DDC: variants seen among roughly 807,000 people sequenced by gnomAD.
DDC encodes the protein aromatic-L-amino-acid decarboxylase.
A neutral mutation model predicts 60.0 loss-of-function variants in DDC; 43 were observed. That is an observed-to-expected ratio of 0.72 (90% CI 0.56 to 0.92). The LOEUF is 0.92. Among genes scored for constraint, DDC ranks in the 40% least tolerant of loss-of-function variants. The pLI, the probability that DDC is intolerant of heterozygous loss-of-function variation, is 0.00. For missense variants in DDC, 573 were observed against 620.2 expected (o/e 0.92, Z 0.81); for synonymous variants, 232 against 234.6 (o/e 0.99, Z 0.10).
At chr7:50,489,052 G>A (rs1413344925) in intron 9 of DDC, among the ~76,000 whole-genome samples, 1 of 152,126 alleles carries the variant, frequency 6.6e-6, no homozygotes, top group African/African-American at 2.4e-5. Context: ...TGTCACCCAG[G>A]CTGGAGTGCA....
chr7:50,502,153 C>A, intron 7 of DDC, among the ~76,000 whole-genome samples: 1 of 152,196 alleles, frequency 6.6e-6, no homozygotes, highest in East Asian at 1.9e-4. Flanking sequence ...GGCATTCACC[C>A]ATGTCAGCTC....
intron 2 of DDC, chr7:50,540,267 T>C: frequency 2.0e-5 from 10 of 490,180 alleles, no homozygotes; most frequent in South Asian, 2.0e-4. Context: ...CACTGGAATG[T>C]ATTTGCTAGC....
intron 12 of DDC, among the ~76,000 whole-genome samples, chr7:50,468,668 C>T (rs1190885850): frequency 1.3e-5 from 2 of 152,192 alleles, no homozygotes; most frequent in East Asian, 1.9e-4. Context: ...GAGGAGGTGG[C>T]TGGGGACACC....
At chr7:50,548,960 A>C (rs111941433) in intron 1 of DDC, among the ~76,000 whole-genome samples, 1 of 152,218 alleles carries the variant, frequency 6.6e-6, no homozygotes, top group African/African-American at 2.4e-5. Flanking sequence ...TAGGGCCCTT[A>C]AAAACTATGC....
intron 14 of DDC, among the ~76,000 whole-genome samples, chr7:50,459,107 C>T (rs1302429169): frequency 6.6e-6 from 1 of 152,260 alleles, no homozygotes; most frequent in East Asian, 1.9e-4. Flanking sequence ...CAGGCGCGCA[C>T]CACCACGCCT....
chr7:50,476,813 T>G (rs1267033028), intron 10 of DDC, among the ~76,000 whole-genome samples, 170 bp from the exon 11 acceptor site: 5 of 152,176 alleles, frequency 3.3e-5, no homozygotes, highest in Non-Finnish European at 7.3e-5. Flanking sequence ...GGGTAACATA[T>G]TCTAAGGGTG....
intron 9 of DDC, among the ~76,000 whole-genome samples, chr7:50,487,063 A>C (rs1025792990): frequency 6.6e-6 from 1 of 152,188 alleles, no homozygotes; most frequent in Non-Finnish European, 1.5e-5. Context: ...CAAATGAAAA[A>C]TTTTAAATAT....
chr7:50,477,057 A>C (rs2042662396), intron 10 of DDC, among the ~76,000 whole-genome samples: 1 of 151,166 alleles, frequency 6.6e-6, no homozygotes, highest in Non-Finnish European at 1.5e-5. Context: ...GGAGAATGAA[A>C]CTCTTGGTGG....
intron 1 of DDC, among the ~76,000 whole-genome samples, chr7:50,559,086 G>C (rs2045273239): frequency 6.6e-6 from 1 of 152,240 alleles, no homozygotes; most frequent in Non-Finnish European, 1.5e-5. Context: ...CAGGGCAGCA[G>C]TGTAAGCCCT....
intron 6 of DDC, chr7:50,527,609 C>T (rs1222152374): frequency 3.2e-5 from 5 of 158,600 alleles, no homozygotes; most frequent in African/African-American, 1.2e-4. Flanking sequence ...TCAAATGGAC[C>T]TTACCTCCCC....
intron 6 of DDC, among the ~76,000 whole-genome samples, chr7:50,517,538 C>T (rs1208124441): frequency 1.3e-5 from 2 of 152,160 alleles, no homozygotes; most frequent in Non-Finnish European, 2.9e-5. Context: ...CCCACTCTCA[C>T]CACTTCTTTA....
chr7:50,537,328 T>C (rs1364124047), intron 4 of DDC, among the ~76,000 whole-genome samples: 2 of 152,228 alleles, frequency 1.3e-5, no homozygotes, highest in Non-Finnish European at 1.5e-5. Context: ...CTCCGAGGAA[T>C]ATCACGGGCT....
Position 50,503,867 on chromosome 7 carries a change from G to A in DDC, c.781+126C>T, listed in dbSNP as rs11575378. 2,975 of 784,330 alleles carry A rather than the reference G, an allele frequency of 3.8e-3. 65 individuals carry two copies. The African/African-American group carries it at 0.046, about 12-fold the overall frequency. 48.6% of individuals were successfully genotyped at this position (784,330 alleles called of 1,614,324 possible). ...ATGAGGTTTGTGTTATTGCAAATAC[G>A]AGAAGAGCTGGGCAAACCATCACAA... On this transcript the variant is annotated intron_variant, in intron 7 of 14. Coordinates refer to ENST00000444124, the MANE Select transcript of DDC (RefSeq NM_001082971.2).
intron 14 of DDC, among the ~76,000 whole-genome samples, chr7:50,460,983 C>T (rs1159566152): frequency 6.6e-6 from 1 of 151,456 alleles, no homozygotes; most frequent in African/African-American, 2.4e-5. Context: ...CTGACCCTCC[C>T]TCCACTATTG....
chr7:50,460,784 T>TC (rs2042255948), intron 14 of DDC, among the ~76,000 whole-genome samples: 1 of 151,752 alleles, frequency 6.6e-6, no homozygotes, highest in Non-Finnish European at 1.5e-5. Context: ...ATGTGCTGTG[T>TC]CCACTCAGGG....
chr7:50,520,223 A>G (rs1267654515), intron 6 of DDC, among the ~76,000 whole-genome samples: 2 of 152,168 alleles, frequency 1.3e-5, no homozygotes, highest in Non-Finnish European at 2.9e-5. Context: ...AGCAGAATAT[A>G]TTTTCTTTCT....
chr7:50,534,552 G>A (rs542552927), intron 4 of DDC, among the ~76,000 whole-genome samples: 16 of 151,960 alleles, frequency 1.1e-4, no homozygotes, highest in Admixed American at 2.6e-4. Flanking sequence ...AGCTGAGATC[G>A]TGCCACTGCA....
At chr7:50,543,632 G>C (rs764679378) in intron 2 of DDC, among the ~76,000 whole-genome samples, 1 of 152,196 alleles carries the variant, frequency 6.6e-6, no homozygotes, top group Non-Finnish European at 1.5e-5. Context: ...GGGACCTGGG[G>C]GAAAGAGCCT....
At chr7:50,529,043 C>T (rs2044121532) in intron 5 of DDC, among the ~76,000 whole-genome samples, 165 bp downstream of exon 5, 1 of 152,172 alleles carries the variant, frequency 6.6e-6, no homozygotes, top group African/African-American at 2.4e-5. Flanking sequence ...TATCCAGTTC[C>T]CACCCAAGAA....
Sources: allele counts gnomAD v4.1 joint callset (sites outside exome capture counted in the v4.1 genomes callset), GRCh38; gene constraint gnomAD v4.1.1; transcripts MANE v1.5; gene names NCBI Gene and HGNC (gene_info 2026-07-23, HGNC 2026-07-21).